MAD1L1: variants seen among roughly 807,000 people sequenced by gnomAD.
MAD1L1 encodes mitotic spindle assembly checkpoint protein MAD1.
In MAD1L1, 95 loss-of-function variants were observed where a neutral mutation model predicts 96.9. The observed-to-expected ratio is 0.98, with a 90% CI of 0.83 to 1.16. The LOEUF is 1.16. Ranked by LOEUF, MAD1L1 falls within the 50% of genes most tolerant of loss-of-function variation. The pLI is 0.00. For synonymous variants in MAD1L1, 473 were observed against 396.6 expected (o/e 1.19, Z -2.29); for missense variants, 1,007 against 954.4 (o/e 1.06, Z -0.73).
chr7:2,142,175 G>C lies in MAD1L1; in HGVS notation c.1073+6977C>G, dbSNP rs17132245. On this transcript the variant is annotated intron_variant, in intron 11 of 18. Transcript: ENST00000265854. The surrounding 1 kb of genome is among the most constrained non-coding windows in gnomAD (Gnocchi z 4.7). The stretch of plus-strand genomic sequence containing the variant: ...ACAGACAGACAACTGACTCACGAGA[G>C]AGACGGCTTTTCAAAGGGCCCACAC... 0.049 allele frequency among the ~76,000 whole-genome samples: 7,389 copies of C among 152,266 alleles called. 620 individuals are homozygous for C. Among genetic ancestry groups the C allele is most frequent in the African/African-American group, 0.17 (6,952 of 41,506 alleles).
intron 17 of MAD1L1, among the ~76,000 whole-genome samples, chr7:1,901,733 G>C (rs1007984431): frequency 6.6e-6 from 1 of 152,172 alleles, no homozygotes; most frequent in Admixed American, 6.5e-5. Context: ...CAGGCTTAGA[G>C]CCAAACCGTA....
At chr7:2,134,052 T>C (rs1247362260) in intron 11 of MAD1L1, among the ~76,000 whole-genome samples, 3 of 152,252 alleles carry the variant, frequency 2.0e-5, no homozygotes, top group Non-Finnish European at 4.4e-5. Flanking sequence ...AATCTGTTGA[T>C]ATCCACAAAT....
chr7:2,181,614 A>G lies in MAD1L1; in HGVS notation c.986+31598T>C, dbSNP rs188100012. ...GGGAATGGAAACTAGTACAATCACT[A>G]CAGAAAACAGTACAAAGATTCCTTC... On this transcript the variant is annotated intron_variant, in intron 10 of 18. Coordinates refer to ENST00000265854, the MANE Select transcript of MAD1L1 (RefSeq NM_001013836.2). 5.3e-5 allele frequency among the ~76,000 whole-genome samples: 8 copies of G among 152,344 alleles called. No individual in the cohort carries two copies. In the East Asian group the frequency reaches 1.3e-3, roughly 26 times the overall value.
intron 14 of MAD1L1, among the ~76,000 whole-genome samples, chr7:2,001,476 G>A (rs548723924): frequency 1.9e-4 from 29 of 152,382 alleles, no homozygotes; most frequent in Middle Eastern, 6.8e-3. Context: ...GGTCCCCCAC[G>A]GGCCCACACT....
intron 18 of MAD1L1, among the ~76,000 whole-genome samples, chr7:1,859,648 C>G (rs1173728969): frequency 6.6e-6 from 1 of 152,172 alleles, no homozygotes; most frequent in Non-Finnish European, 1.5e-5. Flanking sequence ...AGGGAGGAGA[C>G]AGGCCCCAGG....
intron 11 of MAD1L1, among the ~76,000 whole-genome samples, chr7:2,143,459 G>A (rs1789143112): frequency 6.6e-6 from 1 of 151,592 alleles, no homozygotes; most frequent in South Asian, 2.1e-4. Context: ...CTCATAACTA[G>A]TAAACTGATC....
chr7:1,930,590 C>T (rs1345317464), intron 17 of MAD1L1, among the ~76,000 whole-genome samples: 5 of 144,092 alleles, frequency 3.5e-5, no homozygotes, highest in African/African-American at 1.3e-4. Context: ...GTCCCCTCGC[C>T]CACCCCACTG....
intron 10 of MAD1L1, among the ~76,000 whole-genome samples, chr7:2,153,253 T>C (rs1789667894): frequency 6.6e-6 from 1 of 152,064 alleles, no homozygotes. Flanking sequence ...AGAGACAGCC[T>C]CTTGAATGCA....
intron 16 of MAD1L1, among the ~76,000 whole-genome samples, chr7:1,956,740 G>A (rs1378982595): frequency 2.0e-5 from 3 of 152,252 alleles, no homozygotes; most frequent in South Asian, 2.1e-4. Flanking sequence ...CGCCGTCTGC[G>A]CAGAACAGGG....
At position 2,156,595 on chromosome 7, in the gene MAD1L1, G is replaced by A. The variant is rs556517468; in HGVS notation, c.987-7357C>T. Among the ~76,000 whole-genome samples, 6 of 152,226 alleles carry A rather than the reference G, an allele frequency of 3.9e-5. No homozygotes were observed. The South Asian group carries it at 1.2e-3, about 32-fold the overall frequency. On this transcript the variant is annotated intron_variant, in intron 10 of 18. Transcript: ENST00000265854. ...AGCACTTTGGGAGGCCGAGGCAGGCGGATCACCTGAGGTCAGGAGCTCAAG... is the reference window on the plus strand; with the variant it reads ...AGCACTTTGGGAGGCCGAGGCAGGCAGATCACCTGAGGTCAGGAGCTCAAG...
chr7:1,904,256 G>C lies in MAD1L1; in HGVS notation c.1808-5866C>G, dbSNP rs1463657280. 1.2e-3 allele frequency among the ~76,000 whole-genome samples: 167 copies of C among 137,348 alleles called. 1 individual carries two copies. Among genetic ancestry groups the C allele is most frequent in the Middle Eastern group, 4.8e-3 (1 of 210 alleles). The allele number at this position is 137,348 out of a possible 152,430, so 90.1% of individuals were successfully genotyped here. On this transcript the variant is annotated intron_variant, in intron 17 of 18. Transcript: ENST00000265854. Reference sequence around the variant, plus strand: ...AGCTCTTGCGGAACTCATGATTGATGAAGCACTGTTCCAGGCAGTGAGGAC... The same window carrying C: ...AGCTCTTGCGGAACTCATGATTGATCAAGCACTGTTCCAGGCAGTGAGGAC...
intron 10 of MAD1L1, among the ~76,000 whole-genome samples, chr7:2,173,047 A>C (rs1055154015): frequency 2.6e-4 from 39 of 152,186 alleles, no homozygotes; most frequent in Non-Finnish European, 4.4e-4. Context: ...AAGTTACATA[A>C]ACAAAGTGTA....
In MAD1L1 at chr7:2,100,998, C is replaced by G. The variant is rs537779410; in HGVS notation, c.1074-31660G>C. 6.6e-5 allele frequency among the ~76,000 whole-genome samples: 10 copies of G among 152,330 alleles called. No homozygotes were observed. In the South Asian group the frequency reaches 1.2e-3, roughly 19 times the overall value. On this transcript the variant is annotated intron_variant, in intron 11 of 18. Transcript: ENST00000265854. ...AGTTATTAACGAAGCCTCATTTGCA[C>G]GTGTCAGGGGAAGAGAAAAATCACC...
chr7:1,883,021 C>G (rs1410602694), intron 18 of MAD1L1, among the ~76,000 whole-genome samples: 1 of 107,638 alleles, frequency 9.3e-6, no homozygotes, highest in Non-Finnish European at 1.8e-5. Context: ...CAGGAACCAG[C>G]TCTTTAACAC....
At chr7:1,859,133 C>G (rs1214214783) in intron 18 of MAD1L1, among the ~76,000 whole-genome samples, 1 of 146,824 alleles carries the variant, frequency 6.8e-6, no homozygotes, top group East Asian at 2.1e-4. Context: ...ACCCCACACG[C>G]AGGAGGGCCA....
intron 15 of MAD1L1, among the ~76,000 whole-genome samples, chr7:1,962,195 G>A (rs957465151): frequency 1.9e-4 from 29 of 152,358 alleles, no homozygotes; most frequent in African/African-American, 6.3e-4. Context: ...TACCATTCTC[G>A]TGGTCGTGAA....
chr7:1,957,778 C>T, intron 15 of MAD1L1, 59 bp from the exon 16 acceptor site: 1 of 1,529,332 alleles, frequency 6.5e-7, no homozygotes. Context: ...GGGGAAGTCC[C>T]ACCCTCTGGG....
At chr7:2,052,496 G>C (rs1445386353) in intron 12 of MAD1L1, among the ~76,000 whole-genome samples, 1 of 151,958 alleles carries the variant, frequency 6.6e-6, no homozygotes, top group Admixed American at 6.6e-5. Context: ...GGCAGGGAGG[G>C]GGCTGGACAC....
intron 5 of MAD1L1, 101 bp from the exon 6 acceptor site, chr7:2,219,557 A>C: frequency 3.2e-6 from 4 of 1,245,822 alleles, no homozygotes; most frequent in East Asian, 2.9e-5. Context: ...GACACCACCC[A>C]CGTGCTATAA....
Sources: gnomAD v4.1 joint callset for allele counts (sites outside exome capture counted in the v4.1 genomes callset) on GRCh38, gnomAD v4.1.1 for gene constraint, Gnocchi (gnomAD v3.1) non-coding constraint, MANE v1.5 for transcripts, NCBI Gene and HGNC (gene_info 2026-07-23, HGNC 2026-07-21) for gene names.